The following EIF4G3 variants were observed in gnomAD, a reference collection of about 807,000 sequenced individuals.
The protein encoded by EIF4G3 is eIF-4-gamma 3.
EIF4G3 carries 34 observed loss-of-function variants against 186.4 expected under a neutral mutation model. That is an observed-to-expected ratio of 0.18 (90% CI 0.14 to 0.24). The LOEUF (loss-of-function observed/expected upper bound fraction) is 0.24, where lower values mean the gene tolerates loss of function less well. EIF4G3 is among the 10% of genes least tolerant of loss of function. The probability of loss-of-function intolerance (pLI) is 1.00; values close to 1 mark genes in which losing one functional copy is unlikely to be tolerated. For synonymous variants in EIF4G3, 673 were observed against 679.5 expected, an observed-to-expected ratio of 0.99 and a Z score of 0.15; for missense variants, 1,536 against 1,948.5, an observed-to-expected ratio of 0.79 and a Z score of 3.99.
chr1:21,142,112 A>G (rs1311120648), intron 2 of EIF4G3, among the ~76,000 whole-genome samples: 1 of 152,194 alleles, frequency 6.6e-6, no homozygotes, highest in Non-Finnish European at 1.5e-5. Flanking sequence ...CAGGAGGCTG[A>G]GGTGGGAGGA....
intron 30 of EIF4G3, among the ~76,000 whole-genome samples, chr1:20,830,342 A>G (rs1185725452): frequency 1.3e-5 from 2 of 152,178 alleles, no homozygotes; most frequent in Non-Finnish European, 2.9e-5. Context: ...CAGCTCAGCC[A>G]TATTATCTAA....
intron 31 of EIF4G3, among the ~76,000 whole-genome samples, chr1:20,828,321 C>T (rs746250941): frequency 6.6e-6 from 1 of 152,036 alleles, no homozygotes; most frequent in Non-Finnish European, 1.5e-5. Context: ...TAAGCTATTG[C>T]GTCTGGCCAT....
chr1:20,854,518 A>C (rs1571696664), intron 26 of EIF4G3, among the ~76,000 whole-genome samples: 1 of 147,128 alleles, frequency 6.8e-6, no homozygotes, highest in African/African-American at 2.5e-5. Flanking sequence ...ACACAGTGAG[A>C]CTCCATCTCT....
At chr1:21,137,130 T>G (rs2097260333) in intron 2 of EIF4G3, among the ~76,000 whole-genome samples, 1 of 143,810 alleles carries the variant, frequency 7.0e-6, no homozygotes, top group Non-Finnish European at 1.5e-5. Context: ...TTACTTTGCT[T>G]TTGTTTGTTT....
At chr1:20,876,222 CAAAAAAAA>C (rs34150070) in intron 20 of EIF4G3, among the ~76,000 whole-genome samples, 4 of 13,978 alleles carry the variant, frequency 2.9e-4, no homozygotes, top group Non-Finnish European at 6.1e-4. Flanking sequence ...GAGCCTGTCT[CAAAAAAAA>C]AAAAAAAAAA....
At chr1:20,831,016 G>GA (rs1292914022) in intron 30 of EIF4G3, among the ~76,000 whole-genome samples, 1 of 152,128 alleles carries the variant, frequency 6.6e-6, no homozygotes, top group African/African-American at 2.4e-5. Context: ...TCTAAAAGCT[G>GA]AAAAAATGAA....
chr1:21,138,108 C>T (rs1035991431), intron 2 of EIF4G3, among the ~76,000 whole-genome samples: 1 of 152,150 alleles, frequency 6.6e-6, no homozygotes, highest in African/African-American at 2.4e-5. Context: ...CCAGGTAACA[C>T]AGTTCATCAA....
At chr1:20,982,497 A>G in intron 7 of EIF4G3, 89 bp from the exon 8 acceptor site, 1 of 874,500 alleles carries the variant, frequency 1.1e-6, no homozygotes, top group Non-Finnish European at 1.7e-6. Context: ...AGGAAATAGC[A>G]TGCAGCTCAA....
intron 3 of EIF4G3, among the ~76,000 whole-genome samples, chr1:21,059,134 T>G (rs188285359): frequency 1.3e-5 from 2 of 152,124 alleles, no homozygotes; most frequent in Non-Finnish European, 2.9e-5. Flanking sequence ...AAAAGGCACA[T>G]GGTTTATATG....
At chr1:20,841,193 A>T (rs1400329208) in intron 29 of EIF4G3, 165 bp from the exon 30 acceptor site, 2 of 605,908 alleles carry the variant, frequency 3.3e-6, no homozygotes, top group Non-Finnish European at 5.3e-6. Flanking sequence ...TTTATAGCTC[A>T]GTAAATTACA....
intron 2 of EIF4G3, among the ~76,000 whole-genome samples, chr1:21,093,792 A>T (rs1572440020): frequency 1.3e-5 from 2 of 152,290 alleles, no homozygotes; most frequent in East Asian, 3.9e-4. Flanking sequence ...GGATGAGTTC[A>T]TGTCCTTTGT....
At chr1:21,138,355 C>T (rs929645790) in intron 2 of EIF4G3, among the ~76,000 whole-genome samples, 1 of 152,118 alleles carries the variant, frequency 6.6e-6, no homozygotes, top group Admixed American at 6.6e-5. Flanking sequence ...ACCCAAGTCC[C>T]TCAAGAGTGA....
chr1:20,915,568 TA>T (rs2093771389), intron 14 of EIF4G3, among the ~76,000 whole-genome samples: 1 of 152,166 alleles, frequency 6.6e-6, no homozygotes, highest in East Asian at 1.9e-4. Flanking sequence ...CAGGTTGGTT[TA>T]ATATTCAAAT....
intron 7 of EIF4G3, among the ~76,000 whole-genome samples, chr1:20,991,318 A>G (rs1182988448): frequency 6.6e-6 from 1 of 152,220 alleles, no homozygotes; most frequent in Non-Finnish European, 1.5e-5. Flanking sequence ...CTTTAAACCC[A>G]GCACTTTGGG....
chr1:21,087,253 A>G (rs149200757), intron 3 of EIF4G3, among the ~76,000 whole-genome samples: 104 of 152,306 alleles, frequency 6.8e-4, no homozygotes, highest in African/African-American at 2.4e-3. Context: ...TAATTCCCCT[A>G]AATTACCTTA....
chr1:21,096,583 G>C (rs959725582), intron 2 of EIF4G3, among the ~76,000 whole-genome samples: 2 of 152,156 alleles, frequency 1.3e-5, no homozygotes, highest in African/African-American at 4.8e-5. Context: ...TTCCAGTTGG[G>C]TCCTACATCT....
intron 3 of EIF4G3, among the ~76,000 whole-genome samples, chr1:21,056,065 C>T (rs949712390): frequency 1.3e-5 from 2 of 152,106 alleles, no homozygotes; most frequent in Non-Finnish European, 2.9e-5. Flanking sequence ...AAGTGCTGTT[C>T]TTTCTACATA....
Position 20,810,824 on chromosome 1 carries a change from A to AGTAAGATC in EIF4G3, c.4650_4657dup (p.Leu1553ArgfsTer7). On this transcript the variant is annotated frameshift_variant, in exon 36 of 37. Coordinates refer to ENST00000602326, the MANE Select transcript of EIF4G3 (RefSeq NM_001391906.1). LOFTEE classifies it high-confidence loss of function. The surrounding 1 kb of genome is among the most constrained non-coding windows in gnomAD (Gnocchi z 4.1). Reference sequence around the variant, plus strand: ...CTCTGTATCTGAGTCTAGGTACTTGAGTAAGATCGGCACTCTCTGCTTGAT... The same window carrying AGTAAGATC: ...CTCTGTATCTGAGTCTAGGTACTTGAGTAAGATCGTAAGATCGGCACTCTCTGCTTGAT... The AGTAAGATC allele has an allele frequency of 6.2e-7, 1 of 1,614,190 alleles. No homozygotes were observed. Among genetic ancestry groups the AGTAAGATC allele is most frequent in the Non-Finnish European group, 8.5e-7 (1 of 1,180,008 alleles).
At chr1:20,973,341 C>T (rs779478538) in intron 10 of EIF4G3, among the ~76,000 whole-genome samples, 2 of 151,944 alleles carry the variant, frequency 1.3e-5, no homozygotes, top group Admixed American at 6.6e-5. Flanking sequence ...ACTAAATACT[C>T]GGTTCCTACA....
Sources: allele counts gnomAD v4.1 joint callset (sites outside exome capture counted in the v4.1 genomes callset), GRCh38; gene constraint gnomAD v4.1.1; non-coding constraint Gnocchi (gnomAD v3.1); transcripts MANE v1.5; gene names NCBI Gene and HGNC (gene_info 2026-07-23, HGNC 2026-07-21).